NUBP1: variants seen among roughly 807,000 people sequenced by gnomAD.
NUBP1 encodes the protein NUBP iron-sulfur cluster assembly factor 1, cytosolic.
NUBP1 carries 46 observed loss-of-function variants against 41.8 expected under a neutral mutation model. The observed-to-expected ratio is 1.10, with a 90% confidence interval of 0.87 to 1.41. The LOEUF is 1.41. Ranked by LOEUF, NUBP1 falls within the 40% of genes most tolerant of loss-of-function variation. NUBP1 has a pLI of 0.00. For missense variants in NUBP1, 494 were observed against 414.0 expected (o/e 1.19, Z -1.68); for synonymous variants, 189 against 154.6 (o/e 1.22, Z -1.65).
At position 10,759,539 on chromosome 16, in the gene NUBP1, C is replaced by T. The variant is rs1258882090; in HGVS notation, c.606+1512C>T. 1.3e-5 allele frequency among the ~76,000 whole-genome samples: 2 copies of T among 152,040 alleles called. No homozygotes were observed. The highest frequency in any genetic ancestry group is 2.9e-5 in the Non-Finnish European group (2 of 67,998). On this transcript the variant is annotated intron_variant, in intron 7 of 10. Coordinates refer to ENST00000283027, the MANE Select transcript of NUBP1 (RefSeq NM_002484.4). This position sits in a 1 kb window ranked among gnomAD's most constrained non-coding sequence, Gnocchi z 4.7. ...CTGTAATCCCAGCACTTTGGGAGGC[C>T]GAGGCAGGCAGATTACTTGAGGTCA...
At chr16:10,761,586 G>T in intron 8 of NUBP1, 112 bp downstream of exon 8, 1 of 1,066,678 alleles carries the variant, frequency 9.4e-7, no homozygotes. Flanking sequence ...TTTGGGAAGT[G>T]GAATCACAAT....
chr16:10,761,296 C>G lies in NUBP1; in HGVS notation c.607-68C>G. 3.5e-6 allele frequency: 5 copies of G among 1,423,188 alleles called. No individual in the cohort carries two copies. The South Asian group carries it at 5.9e-5, about 17-fold the overall frequency. The allele number at this position is 1,423,188 out of a possible 1,614,324, so 88.2% of individuals were successfully genotyped here. On this transcript the variant is annotated intron_variant, in intron 7 of 10. Transcript: ENST00000283027. ...AGATCCACTGCATTGCAGCCATCCC[C>G]TCGGTTGCACAGACATTCCCTTTCT...
intron 4 of NUBP1, among the ~76,000 whole-genome samples, chr16:10,754,326 T>A (rs1287098492): frequency 6.6e-6 from 1 of 152,060 alleles, no homozygotes; most frequent in African/African-American, 2.4e-5. Flanking sequence ...CACCACAACC[T>A]CCGCCTCCCG....
Position 10,759,626 on chromosome 16 carries a change from A to C in NUBP1, c.606+1599A>C, listed in dbSNP as rs986285467. On this transcript the variant is annotated intron_variant, in intron 7 of 10. Coordinates refer to ENST00000283027, the MANE Select transcript of NUBP1 (RefSeq NM_002484.4). This position sits in a 1 kb window ranked among gnomAD's most constrained non-coding sequence, Gnocchi z 4.7. ...CTGTCTCTACCAAAAAAATACAAAA[A>C]TTAGCCAGGCGTGGTGGTGGGCACC... is the stretch of plus-strand genomic sequence containing the variant. Among the ~76,000 whole-genome samples the C allele has an allele frequency of 2.6e-5, 4 of 152,130 alleles. No homozygotes were observed. The highest frequency in any genetic ancestry group is 9.7e-5 in the African/African-American group (4 of 41,434).
rs1555472528 is a variant in NUBP1 at position 10,749,124 on chromosome 16, C to CACACACACAG, written c.258+1849_258+1850insCACACACAGA. Among the ~76,000 whole-genome samples, 1,129 of 97,294 alleles carry CACACACACAG rather than the reference C, an allele frequency of 0.012. 27 individuals are homozygous for CACACACACAG. Among genetic ancestry groups the CACACACACAG allele is most frequent in the African/African-American group, 0.041 (957 of 23,576 alleles). 63.8% of individuals were successfully genotyped at this position (97,294 alleles called of 152,430 possible). On this transcript the variant is annotated intron_variant, in intron 3 of 10. Transcript: ENST00000283027. This position sits in a 1 kb window ranked among gnomAD's most constrained non-coding sequence, Gnocchi z 4.1. ...AAGGATATAGATAGATACACAGACA[C>CACACACACAG]ATACACACACACACACACACACACA...
chr16:10,747,386 C>G, intron 3 of NUBP1, 110 bp downstream of exon 3: 1 of 1,441,230 alleles, frequency 6.9e-7, no homozygotes, highest in East Asian at 2.3e-5. Context: ...GTAATCCCAG[C>G]ACTTTGGGAG....
chr16:10,768,037 G>GTAT lies in NUBP1; in HGVS notation c.904+7_904+9dup. Reference sequence around the variant, plus strand: ...CCTACAGAAGTATAATTCAGAGTAAGTATTTCCATGAGTACTAAATGCAGA... The same window carrying GTAT: ...CCTACAGAAGTATAATTCAGAGTAAGTATTATTTCCATGAGTACTAAATGCAGA... On this transcript the variant is annotated splice_donor_region_variant and intron_variant, in intron 10 of 10. Transcript: ENST00000283027. The surrounding 1 kb of genome is among the most constrained non-coding windows in gnomAD (Gnocchi z 4.3). 1 of 1,613,522 alleles carries GTAT rather than the reference G, an allele frequency of 6.2e-7. No individual in the cohort carries two copies. Among genetic ancestry groups the GTAT allele is most frequent in the South Asian group, 1.1e-5 (1 of 91,072 alleles).
intron 9 of NUBP1, among the ~76,000 whole-genome samples, chr16:10,763,241 G>A (rs956743088): frequency 2.6e-5 from 4 of 152,194 alleles, no homozygotes; most frequent in East Asian, 1.9e-4. Flanking sequence ...GTTCATGTCC[G>A]TGCAGTTGAG....
Position 10,757,237 on chromosome 16 carries a change from A to T in NUBP1, c.451+457A>T. The stretch of plus-strand genomic sequence containing the variant: ...AACCCAGGAGGCGGAGGTTGCAGTG[A>T]GCCAAGATCATGCCACTGCACTCCA... On this transcript the variant is annotated intron_variant, in intron 6 of 10. Coordinates refer to ENST00000283027, the MANE Select transcript of NUBP1 (RefSeq NM_002484.4). This position sits in a 1 kb window ranked among gnomAD's most constrained non-coding sequence, Gnocchi z 4.1. 6.6e-6 allele frequency among the ~76,000 whole-genome samples: 1 copy of T among 152,160 alleles called. No individual in the cohort carries two copies. Among genetic ancestry groups the T allele is most frequent in the East Asian group, 1.9e-4 (1 of 5,190 alleles).
At chr16:10,750,012 G>T (rs532816073) in intron 3 of NUBP1, among the ~76,000 whole-genome samples, 1 of 152,250 alleles carries the variant, frequency 6.6e-6, no homozygotes, top group East Asian at 1.9e-4. Flanking sequence ...TTCAAAGTGA[G>T]ACCCCTGTCT....
intron 8 of NUBP1, 125 bp from the exon 9 acceptor site, chr16:10,761,632 T>G (rs2029910629): frequency 1.0e-6 from 1 of 972,354 alleles, no homozygotes; most frequent in Non-Finnish European, 1.5e-6. Context: ...GAAAGTTCTT[T>G]AGGTGTTAAG....
Position 10,768,265 on chromosome 16 carries a change from T to A in NUBP1, c.904+233T>A. On this transcript the variant is annotated intron_variant, in intron 10 of 10. Coordinates refer to ENST00000283027, the MANE Select transcript of NUBP1 (RefSeq NM_002484.4). The surrounding 1 kb of genome is among the most constrained non-coding windows in gnomAD (Gnocchi z 4.3). ...TGAAATTTATGGCTTAGGAAATACA[T>A]CCCAATAAAGGGATAAAGTAATTCA... is the stretch of plus-strand genomic sequence containing the variant. 2.9e-6 allele frequency: 1 copy of A among 349,894 alleles called. No homozygotes were observed. The highest frequency in any genetic ancestry group is 5.2e-5 in the South Asian group (1 of 19,366). 21.7% of individuals were successfully genotyped at this position (349,894 alleles called of 1,614,324 possible).
intron 9 of NUBP1, among the ~76,000 whole-genome samples, chr16:10,763,141 A>G (rs1318850818): frequency 6.6e-6 from 1 of 151,804 alleles, no homozygotes; most frequent in Non-Finnish European, 1.5e-5. Flanking sequence ...CAGGGGTGGT[A>G]GAGGGAGGCC....
chr16:10,757,818 G>C lies in NUBP1; in HGVS notation c.452-55G>C. On this transcript the variant is annotated intron_variant, in intron 6 of 10. Coordinates refer to ENST00000283027, the MANE Select transcript of NUBP1 (RefSeq NM_002484.4). The surrounding 1 kb of genome is among the most constrained non-coding windows in gnomAD (Gnocchi z 4.1). ...TCCTTTAAAAAAAAAAGAGGGAGTT[G>C]AAAGTACAGAAAAGAAAGGAAAAGT... 3 of 1,582,498 alleles carry C rather than the reference G, an allele frequency of 1.9e-6. No individual in the cohort carries two copies. Among genetic ancestry groups the C allele is most frequent in the Non-Finnish European group, 2.6e-6 (3 of 1,158,470 alleles).
chr16:10,755,462 G>A (rs963857239), intron 4 of NUBP1, among the ~76,000 whole-genome samples: 3 of 152,118 alleles, frequency 2.0e-5, no homozygotes, highest in African/African-American at 7.2e-5. Context: ...ATTTGAACTT[G>A]AGTAACTTTG....
chr16:10,762,185 G>A (rs561044162), intron 9 of NUBP1: 68 of 221,242 alleles, frequency 3.1e-4, no homozygotes, highest in African/African-American at 1.3e-3. Flanking sequence ...TGCACATGGC[G>A]TCCAGGTTAC....
intron 2 of NUBP1, among the ~76,000 whole-genome samples, 185 bp from the exon 3 acceptor site, chr16:10,746,958 T>C (rs560262696): frequency 6.6e-6 from 1 of 152,294 alleles, no homozygotes; most frequent in Non-Finnish European, 1.5e-5. Context: ...TCAAGTGTGA[T>C]AATAGCCTTA....
intron 2 of NUBP1, 137 bp downstream of exon 2, chr16:10,744,202 G>A (rs1487750735): frequency 4.7e-6 from 4 of 857,042 alleles, no homozygotes; most frequent in Non-Finnish European, 3.4e-6. Flanking sequence ...AGAGGGGTGG[G>A]GCCCAGAAGG....
At chr16:10,748,217 C>A (rs1031291741) in intron 3 of NUBP1, among the ~76,000 whole-genome samples, 1 of 152,196 alleles carries the variant, frequency 6.6e-6, no homozygotes, top group Admixed American at 6.6e-5. Context: ...TCCCAAAGTG[C>A]TGAGATTATA....
Sources: allele counts gnomAD v4.1 joint callset (sites outside exome capture counted in the v4.1 genomes callset), GRCh38; gene constraint gnomAD v4.1.1; non-coding constraint Gnocchi (gnomAD v3.1); transcripts MANE v1.5; gene names NCBI Gene and HGNC (gene_info 2026-07-23, HGNC 2026-07-21).